Variants in HECTD4 observed in about 807,000 individuals in gnomAD.
HECTD4 encodes probable E3 ubiquitin-protein ligase HECTD4.
Under a neutral mutation model 471.5 loss-of-function variants are expected in HECTD4, and 114 were observed. The ratio of observed to expected loss-of-function variants is 0.24; its 90% CI spans 0.21 to 0.28. HECTD4 has a LOEUF of 0.28. Ranked by LOEUF, HECTD4 falls within the 10% of genes least tolerant of loss-of-function variation. The pLI is 1.00. For synonymous variants in HECTD4, 2,012 were observed against 2,256.0 expected (o/e 0.89, Z 3.07); for missense variants, 3,866 against 5,651.5 (o/e 0.68, Z 10.13).
rs2032815181 is a variant in HECTD4, at chr12:112,213,183, T to C, written c.7466-533A>G. ...GAATTTTTAGAAGGAAAATGCCTAG[T>C]GTCTGTGTTAAATTAGTTACCGCAA... is the stretch of plus-strand genomic sequence containing the variant. On this transcript the variant is annotated intron_variant, in intron 48 of 75. Transcript: ENST00000682272. This position sits in a 1 kb window ranked among gnomAD's most constrained non-coding sequence, Gnocchi z 4.0. Among the ~76,000 whole-genome samples, 1 of 152,212 alleles carries C rather than the reference T, an allele frequency of 6.6e-6. No individual in the cohort carries two copies. Among genetic ancestry groups the C allele is most frequent in the Admixed American group, 6.5e-5 (1 of 15,274 alleles).
rs191148953 is a variant in HECTD4, at chr12:112,167,143, G to A, written c.12534+174C>T. The stretch of plus-strand genomic sequence containing the variant: ...CTGCTGCCAGCAGGGAGGGAGGCCA[G>A]AGGCCTCTGTCCCCATGAAATAAGC... On this transcript the variant is annotated intron_variant, in intron 72 of 75. Transcript: ENST00000682272. 77 of 532,280 alleles carry A rather than the reference G, an allele frequency of 1.4e-4. No homozygotes were observed. The Middle Eastern group carries it at 2.0e-3, about 13-fold the overall frequency. 33.0% of individuals were successfully genotyped at this position (532,280 alleles called of 1,614,324 possible).
chr12:112,219,764 TA>T (rs2033038265), intron 44 of HECTD4, among the ~76,000 whole-genome samples: 1 of 151,404 alleles, frequency 6.6e-6, no homozygotes, highest in Non-Finnish European at 1.5e-5. Flanking sequence ...CGCGCCCGGT[TA>T]ATTTTTGTAT....
Position 112,192,713 on chromosome 12 carries a change from G to C in HECTD4, c.9139C>G (p.His3047Asp). The change falls in exon 59 of 76, where the codon CAC (histidine) becomes GAC (aspartate). Residue 3047 changes from histidine (H) to aspartate (D), a missense_variant. His to Asp is a moderately conservative substitution (Grantham distance 81). Coordinates refer to ENST00000682272, the MANE Select transcript of HECTD4 (RefSeq NM_001388303.1). ...AGCTGGCCATTTCGCTTCACTTTGTGGCCGAGGCCATATACGAGCACCCGT... is the reference window on the plus strand; with the variant it reads ...AGCTGGCCATTTCGCTTCACTTTGTCGCCGAGGCCATATACGAGCACCCGT... Reference protein sequence around the residue: ...WARVLVYGLGHKVKRNGQLNL... With the variant: ...WARVLVYGLGDKVKRNGQLNL... 6.3e-7 allele frequency: 1 copy of C among 1,599,504 alleles called. No individual in the cohort carries two copies. The highest frequency in any genetic ancestry group is 8.5e-7 in the Non-Finnish European group (1 of 1,173,482).
chr12:112,283,068 G>T (rs781055488), intron 8 of HECTD4, 42 bp downstream of exon 8: 1 of 1,523,552 alleles, frequency 6.6e-7, no homozygotes, highest in East Asian at 2.3e-5. Flanking sequence ...GCTGAACAGA[G>T]CTATACAAGG....
At chr12:112,198,053 T>C (rs2032299082) in intron 55 of HECTD4, among the ~76,000 whole-genome samples, 1 of 152,176 alleles carries the variant, frequency 6.6e-6, no homozygotes, top group African/African-American at 2.4e-5. Flanking sequence ...CAGGCTGGTT[T>C]TGAACTCCTG....
intron 49 of HECTD4, 44 bp downstream of exon 49, chr12:112,212,443 T>C: frequency 6.7e-7 from 1 of 1,496,862 alleles, no homozygotes; most frequent in Non-Finnish European, 9.3e-7. Context: ...CAGGAACAGG[T>C]GATGAAGGAG....
Position 112,340,051 on chromosome 12 carries a change from A to AG in HECTD4, c.178-20310_178-20309insC, listed in dbSNP as rs548917540. The stretch of plus-strand genomic sequence containing the variant: ...GTGACAGAGTGAGACTCAAAAAAAA[A>AG]AAAAGAAAAGAAAACTCACTTTCAA... On this transcript the variant is annotated intron_variant, in intron 1 of 75. Transcript: ENST00000682272. Among the ~76,000 whole-genome samples the AG allele has an allele frequency of 8.5e-5, 13 of 152,332 alleles. No individual in the cohort carries two copies. The East Asian group carries it at 2.5e-3, about 29-fold the overall frequency.
intron 1 of HECTD4, among the ~76,000 whole-genome samples, chr12:112,372,698 G>T (rs1260823990): frequency 6.6e-6 from 1 of 152,012 alleles, no homozygotes; most frequent in Non-Finnish European, 1.5e-5. Flanking sequence ...TCAAGTGCTG[G>T]AATTACAGGC....
Position 112,313,114 on chromosome 12 carries a change from G to A in HECTD4, c.819C>T (p.Pro273=). ...LLLLEGGPGS[P]SCLLGGKHIV... ...TGTGTTTGCCCCCAAGCAAACAGGA[G>A]GGAGATCCAGGCCCCCCTTCCAAAA... Residue 273 remains proline, a synonymous_variant, in exon 4 of 76, where the codon CCC becomes CCT. Transcript: ENST00000682272. 2 of 1,535,498 alleles carry A rather than the reference G, an allele frequency of 1.3e-6. No homozygotes were observed. The highest frequency in any genetic ancestry group is 1.7e-6 in the Non-Finnish European group (2 of 1,146,572).
At chr12:112,346,418 C>G (rs1316076403) in intron 1 of HECTD4, among the ~76,000 whole-genome samples, 3 of 152,192 alleles carry the variant, frequency 2.0e-5, no homozygotes, top group Admixed American at 6.5e-5. Flanking sequence ...TTGGTACATA[C>G]CAGCAATTCT....
At position 112,369,304 on chromosome 12, in the gene HECTD4, C is replaced by G. The variant is rs145427045; in HGVS notation, c.177+12648G>C. Among the ~76,000 whole-genome samples, 27 of 150,632 alleles carry G rather than the reference C, an allele frequency of 1.8e-4. 1 individual carries two copies. The highest frequency in any genetic ancestry group is 5.9e-4 in the African/African-American group (24 of 40,970). The stretch of plus-strand genomic sequence containing the variant: ...CATCCATTGGATGCATCTTTTGGAG[C>G]GAAAGTTATTGCCTTATTAAGCAAA... On this transcript the variant is annotated intron_variant, in intron 1 of 75. Transcript: ENST00000682272.
At position 112,171,248 on chromosome 12, in the gene HECTD4, C is replaced by T. The variant is rs1275482372; in HGVS notation, c.11801G>A (p.Ser3934Asn). Residue 3934 changes from serine (S) to asparagine (N), a missense_variant, in exon 68 of 76, where the codon AGC (serine) becomes AAC (asparagine). Physicochemically the swap from Ser to Asn is conservative, Grantham distance 46. Transcript: ENST00000682272. ...VACLLNVPIE[S>N]LRLRFALLQS... ...CAGCAAGGCGAAGCGCAGGCGCAGG[C>T]TCTCGATGGGCACGTCTGAGGGCGC... The T allele has an allele frequency of 6.2e-7, 1 of 1,607,444 alleles. No homozygotes were observed. The highest frequency in any genetic ancestry group is 2.2e-5 in the East Asian group (1 of 44,636).
At position 112,228,081 on chromosome 12, in the gene HECTD4, G is replaced by A. The variant is rs770598897; in HGVS notation, c.6854+8C>T. 1 of 1,605,138 alleles carries A rather than the reference G, an allele frequency of 6.2e-7. No individual in the cohort carries two copies. Among genetic ancestry groups the A allele is most frequent in the Admixed American group, 1.7e-5 (1 of 59,002 alleles). On this transcript the variant is annotated splice_region_variant and intron_variant, in intron 43 of 75. Transcript: ENST00000682272. This position sits in a 1 kb window ranked among gnomAD's most constrained non-coding sequence, Gnocchi z 4.9. ...CAGCACATAAGGCAATGTGGGGAGG[G>A]TACTCACCTTGTCCTTATTTCAGCA...
At chr12:112,281,940 G>T (rs1240522887) in intron 8 of HECTD4, among the ~76,000 whole-genome samples, 4 of 152,014 alleles carry the variant, frequency 2.6e-5, no homozygotes, top group Admixed American at 2.0e-4. Flanking sequence ...TGGAATAATG[G>T]TTCTTAATGT....
At chr12:112,271,779 GTT>G (rs1377333310) in intron 11 of HECTD4, among the ~76,000 whole-genome samples, 1 of 151,728 alleles carries the variant, frequency 6.6e-6, no homozygotes, top group Non-Finnish European at 1.5e-5. Context: ...TTGTTGTTTT[GTT>G]TTGTTTTTTA....
intron 7 of HECTD4, among the ~76,000 whole-genome samples, chr12:112,301,137 C>T (rs1356351531): frequency 6.6e-6 from 1 of 151,628 alleles, no homozygotes; most frequent in Non-Finnish European, 1.5e-5. Context: ...CCACCCACCT[C>T]GGCCTCCCAA....
intron 28 of HECTD4, 80 bp downstream of exon 28, chr12:112,247,382 T>G: frequency 2.8e-6 from 2 of 701,864 alleles, no homozygotes; most frequent in Non-Finnish European, 4.7e-6. Context: ...TAAAAATATA[T>G]CTATTAAGAG....
intron 67 of HECTD4, 178 bp from the exon 68 acceptor site, chr12:112,171,441 G>T: frequency 1.0e-6 from 1 of 991,236 alleles, no homozygotes; most frequent in Non-Finnish European, 1.4e-6. Context: ...ATGCCAAGCA[G>T]ACACAAAGGG....
rs778459610 is a variant in HECTD4, at chr12:112,183,084, A to G, written c.10962T>C (p.Asp3654=). 6.2e-7 allele frequency: 1 copy of G among 1,613,428 alleles called. No individual in the cohort carries two copies. Among genetic ancestry groups the G allele is most frequent in the East Asian group, 2.2e-5 (1 of 44,876 alleles). The change falls in exon 62 of 76, where the codon GAT becomes GAC. Residue 3654 remains aspartate (D), a synonymous_variant. Coordinates refer to ENST00000682272, the MANE Select transcript of HECTD4 (RefSeq NM_001388303.1). ...FDTQGSPGLE[D]YFNDKSIKGE... is the part of the protein sequence containing the mutation. ...CTTTAATTGACTTATCATTGAAATA[A>G]TCTTCTAACCCTGGGCTCCCTTGAG... is the stretch of plus-strand genomic sequence containing the variant.
Sources: allele counts gnomAD v4.1 joint callset (sites outside exome capture counted in the v4.1 genomes callset), GRCh38; gene constraint gnomAD v4.1.1; non-coding constraint Gnocchi (gnomAD v3.1); transcripts MANE v1.5; gene names NCBI Gene and HGNC (gene_info 2026-07-23, HGNC 2026-07-21).